Variants in LRRK2 observed in about 807,000 individuals in gnomAD.
The protein encoded by LRRK2 is leucine-rich repeat serine/threonine-protein kinase 2.
In LRRK2, 203 loss-of-function variants were observed where a neutral mutation model predicts 302.6. That is an observed-to-expected ratio of 0.67 (90% CI 0.60 to 0.75). The LOEUF (loss-of-function observed/expected upper bound fraction) is 0.75, where lower values mean the gene tolerates loss of function less well. Ranked by LOEUF, LRRK2 falls within the 30% of genes least tolerant of loss-of-function variation. The pLI, the probability that LRRK2 is intolerant of heterozygous loss-of-function variation, is 0.00. For missense variants in LRRK2, 2,830 were observed against 2,951.0 expected (o/e 0.96, Z 0.95); for synonymous variants, 1,066 against 1,031.9 (o/e 1.03, Z -0.63).
chr12:40,290,143 G>A (rs372258110), intron 20 of LRRK2, among the ~76,000 whole-genome samples: 6 of 151,756 alleles, frequency 4.0e-5, no homozygotes, highest in African/African-American at 1.5e-4. Flanking sequence ...ATCATTAATA[G>A]GTGTTGAAAA....
chr12:40,337,291 G>A (rs1415400351), intron 40 of LRRK2, among the ~76,000 whole-genome samples: 1 of 152,188 alleles, frequency 6.6e-6, no homozygotes, highest in Non-Finnish European at 1.5e-5. Context: ...CACGTTACAT[G>A]CTCTCTCTTC....
At chr12:40,314,357 C>T (rs1012613836) in intron 32 of LRRK2, among the ~76,000 whole-genome samples, 184 bp downstream of exon 32, 3 of 151,946 alleles carry the variant, frequency 2.0e-5, no homozygotes, top group African/African-American at 7.3e-5. Flanking sequence ...TGTATCATGT[C>T]ATAAGAAAAC....
Position 40,346,788 on chromosome 12 carries a change from A to T in LRRK2, c.6145A>T (p.Ile2049Phe). 1 of 1,613,944 alleles carries T rather than the reference A, an allele frequency of 6.2e-7. No individual in the cohort carries two copies. The highest frequency in any genetic ancestry group is 8.5e-7 in the Non-Finnish European group (1 of 1,179,920). ...ACCTGAAGTTGCCAGAGGAAATGTCATTTATAACCAACAGGCTGATGTTTA... is the reference window on the plus strand; with the variant it reads ...ACCTGAAGTTGCCAGAGGAAATGTCTTTTATAACCAACAGGCTGATGTTTA... ...RAPEVARGNV[I>F]YNQQADVYSF... Residue 2049 changes from isoleucine to phenylalanine, a missense_variant, in exon 42 of 51, where the codon ATT becomes TTT. This residue lies in a region of LRRK2 where 253 missense variants were observed against 346.7 expected (regional missense o/e 0.73). Coordinates refer to ENST00000298910, the MANE Select transcript of LRRK2 (RefSeq NM_198578.4).
At chr12:40,243,468 G>C in intron 6 of LRRK2, 82 bp from the exon 7 acceptor site, 1 of 1,479,790 alleles carries the variant, frequency 6.8e-7, no homozygotes, top group Non-Finnish European at 9.4e-7. Context: ...TCTATTTACA[G>C]TCTATATAAG....
intron 7 of LRRK2, among the ~76,000 whole-genome samples, chr12:40,244,743 G>T (rs1250336868): frequency 8.6e-6 from 1 of 115,988 alleles, no homozygotes; most frequent in Admixed American, 9.8e-5. Context: ...TGGGGTGGGG[G>T]GAGGGGGGAG....
chr12:40,302,497 T>C (rs181301978), intron 25 of LRRK2, among the ~76,000 whole-genome samples: 47 of 152,248 alleles, frequency 3.1e-4, no homozygotes, highest in African/African-American at 9.6e-4. Flanking sequence ...TAATTTGAAA[T>C]GAATATTCTA....
At chr12:40,328,853 C>G (rs1945628264) in intron 39 of LRRK2, among the ~76,000 whole-genome samples, 5 of 152,176 alleles carry the variant, frequency 3.3e-5, no homozygotes, top group Admixed American at 3.3e-4. Flanking sequence ...TCCTGATACT[C>G]CACAGTAGTC....
At chr12:40,235,824 T>G (rs1941436158) in intron 4 of LRRK2, 110 bp downstream of exon 4, 3 of 655,180 alleles carry the variant, frequency 4.6e-6, no homozygotes, top group Admixed American at 5.7e-5. Context: ...AAGATCAGGA[T>G]TAGGGTAGCT....
chr12:40,335,245 C>T, intron 40 of LRRK2, 88 bp downstream of exon 40: 6 of 1,339,342 alleles, frequency 4.5e-6, no homozygotes, highest in Non-Finnish European at 6.4e-6. Flanking sequence ...CCCAGTAACA[C>T]TGTGCCCCAG....
Position 40,321,113 on chromosome 12 carries a change from T to C in LRRK2, c.5095T>C (p.Tyr1699His). ...TATCATCCGACTATATGAAATGCCT[T>C]ATTTTCCAATGGGATTTTGGTCAAG... ...EIIIRLYEMP[Y>H]FPMGFWSRLI... Residue 1699 changes from tyrosine to histidine, a missense_variant, in exon 35 of 51, where the codon TAT (tyrosine) becomes CAT (histidine). Physicochemically the swap from Tyr to His is moderately conservative, Grantham distance 83 (BLOSUM62 2). Around this residue, in one of 3 missense-constraint regions of LRRK2, gnomAD observed 2,121 missense variants for 2,148.0 expected, o/e 0.99. Transcript: ENST00000298910. 6.2e-7 allele frequency: 1 copy of C among 1,612,984 alleles called. No individual in the cohort carries two copies. Among genetic ancestry groups the C allele is most frequent in the Non-Finnish European group, 8.5e-7 (1 of 1,179,108 alleles).
At position 40,314,074 on chromosome 12, in the gene LRRK2, G is replaced by A. The variant is rs747940620; in HGVS notation, c.4639G>A (p.Val1547Ile). ...TAAAAATGTGCCAATTGAATTTCCC[G>A]TAATTGACCGGAAACGATTATTACA... ...ERKNVPIEFP[V>I]IDRKRLLQLV... is the part of the protein sequence containing the mutation. The change falls in exon 32 of 51, where the codon GTA (valine) becomes ATA (isoleucine). Residue 1547 changes from valine (V) to isoleucine (I), a missense_variant. Transcript: ENST00000298910. The A allele has an allele frequency of 1.7e-5, 27 of 1,612,394 alleles. No homozygotes were observed. Among genetic ancestry groups the A allele is most frequent in the South Asian group, 5.5e-5 (5 of 91,050 alleles).
chr12:40,333,210 A>C (rs986672012), intron 39 of LRRK2, among the ~76,000 whole-genome samples: 1 of 152,112 alleles, frequency 6.6e-6, no homozygotes, highest in East Asian at 1.9e-4. Context: ...ATTAAAAAAA[A>C]GATTTTATCT....
intron 18 of LRRK2, among the ~76,000 whole-genome samples, chr12:40,283,098 A>T (rs1943775741): frequency 6.6e-6 from 1 of 152,160 alleles, no homozygotes; most frequent in African/African-American, 2.4e-5. Flanking sequence ...TAACTGATGG[A>T]TATTATTTCT....
Position 40,225,105 on chromosome 12 carries a change from G to A in LRRK2, c.-27G>A, listed in dbSNP as rs750211229. 1 of 1,612,936 alleles carries A rather than the reference G, an allele frequency of 6.2e-7. No individual in the cohort carries two copies. ...GAGCAGCGGACGTTCATGCTGGGAG[G>A]GCGGCGGGTTGGAAGCAGGTGCCAC... On this transcript the variant is annotated 5_prime_UTR_variant, in exon 1 of 51. Coordinates refer to ENST00000298910, the MANE Select transcript of LRRK2 (RefSeq NM_198578.4).
intron 19 of LRRK2, among the ~76,000 whole-genome samples, chr12:40,286,128 C>T (rs1377270808): frequency 1.3e-5 from 2 of 151,908 alleles, no homozygotes; most frequent in African/African-American, 4.8e-5. Context: ...TTACCATTGA[C>T]ACATCTTACC....
At chr12:40,335,229 A>G in intron 40 of LRRK2, 72 bp downstream of exon 40, 5 of 1,480,608 alleles carry the variant, frequency 3.4e-6, no homozygotes, top group South Asian at 2.3e-5. Flanking sequence ...GGTTCTGAGA[A>G]CACTTCCCAG....
At position 40,232,363 on chromosome 12, in the gene LRRK2, G is replaced by A; in HGVS notation, c.327G>A (p.Trp109Ter). 2 of 1,613,460 alleles carry A rather than the reference G, an allele frequency of 1.2e-6. No individual in the cohort carries two copies. The highest frequency in any genetic ancestry group is 1.7e-6 in the Non-Finnish European group (2 of 1,179,396). Residue 109 changes from tryptophan to a stop codon, truncating the protein, a stop_gained, in exon 3 of 51, where the codon TGG (tryptophan) becomes TGA (stop). Transcript: ENST00000298910. LOFTEE classifies it high-confidence loss of function. ...LMGPQDVGND[W>*]EVLGVHQLIL... ...GACCCCAGGATGTTGGAAATGATTG[G>A]GAAGTCCTTGGTGTTCACCAGTAAG...
intron 38 of LRRK2, among the ~76,000 whole-genome samples, chr12:40,325,804 A>G (rs140866540): frequency 6.6e-6 from 1 of 152,338 alleles, no homozygotes; most frequent in East Asian, 1.9e-4. Context: ...CCAAGATAGC[A>G]GTAACTATTA....
Position 40,225,250 on chromosome 12 carries a change from A to G in LRRK2, c.119A>G (p.Glu40Gly). Residue 40 changes from glutamate to glycine, a missense_variant, in exon 1 of 51, where the codon GAG (glutamate) becomes GGG (glycine). Transcript: ENST00000298910. ...KQIETLVQIL[E>G]DLLVFTYSER... ...ATAGAAACGCTGGTCCAAATCCTGG[A>G]GGATCTGCTGGTGTTCACGTACTCC... is the stretch of plus-strand genomic sequence containing the variant. 2.5e-6 allele frequency: 4 copies of G among 1,614,166 alleles called. No homozygotes were observed. The highest frequency in any genetic ancestry group is 3.4e-6 in the Non-Finnish European group (4 of 1,180,022).
Sources: allele counts gnomAD v4.1 joint callset (sites outside exome capture counted in the v4.1 genomes callset), GRCh38; gene constraint gnomAD v4.1.1; regional missense constraint gnomAD v4.1.1; transcripts MANE v1.5; gene names NCBI Gene and HGNC (gene_info 2026-07-23, HGNC 2026-07-21).